PPP2R2B: variants seen among roughly 807,000 people sequenced by gnomAD.
PPP2R2B encodes serine/threonine-protein phosphatase 2A 55 kDa regulatory subunit B beta isoform.
A neutral mutation model predicts 46.0 loss-of-function variants in PPP2R2B; 5 were observed. The observed-to-expected ratio is 0.11, with a 90% CI of 0.06 to 0.23. PPP2R2B has a LOEUF of 0.23. Ranked by LOEUF, PPP2R2B falls within the 10% of genes least tolerant of loss-of-function variation. The pLI is 1.00. For synonymous variants in PPP2R2B, 215 were observed against 206.7 expected (o/e 1.04, Z -0.34); for missense variants, 367 against 575.0 (o/e 0.64, Z 3.70).
intron 1 of PPP2R2B, among the ~76,000 whole-genome samples, chr5:146,928,723 G>A (rs994206954): frequency 2.6e-4 from 40 of 152,156 alleles, no homozygotes; most frequent in African/African-American, 7.5e-4. Flanking sequence ...ACTCAGCATC[G>A]TAGCCAGAAA....
rs1403374837 is a variant in PPP2R2B, at chr5:146,589,913, A to G, written c.*34T>C. 1.9e-6 allele frequency: 3 copies of G among 1,590,664 alleles called. No individual in the cohort carries two copies. Among genetic ancestry groups the G allele is most frequent in the African/African-American group, 2.7e-5 (2 of 74,306 alleles). ...TTAAAAACTTGTTTGACTAGTATTCAGTATGTGAGATTATTAAGTAATAAC... is the reference window on the plus strand; with the variant it reads ...TTAAAAACTTGTTTGACTAGTATTCGGTATGTGAGATTATTAAGTAATAAC... On this transcript the variant is annotated 3_prime_UTR_variant, in exon 10 of 10. Transcript: ENST00000394411.
At chr5:146,937,700 A>G (rs1764199607) in intron 1 of PPP2R2B, among the ~76,000 whole-genome samples, 1 of 152,010 alleles carries the variant, frequency 6.6e-6, no homozygotes, top group Non-Finnish European at 1.5e-5. Flanking sequence ...GGCTTAGAGA[A>G]CAGGATGTCT....
chr5:146,918,552 G>A (rs1328143122), intron 1 of PPP2R2B, among the ~76,000 whole-genome samples: 1 of 152,164 alleles, frequency 6.6e-6, no homozygotes, highest in Non-Finnish European at 1.5e-5. Flanking sequence ...ATTGCCTTTA[G>A]GATAAAGTCC....
intron 2 of PPP2R2B, among the ~76,000 whole-genome samples, chr5:146,837,136 T>C (rs1231198594): frequency 6.6e-6 from 1 of 152,244 alleles, no homozygotes; most frequent in African/African-American, 2.4e-5. Flanking sequence ...GCAAAAGTGA[T>C]ACACATTCAG....
intron 7 of PPP2R2B, among the ~76,000 whole-genome samples, chr5:146,606,235 T>G (rs1772256721): frequency 6.6e-6 from 1 of 152,164 alleles, no homozygotes; most frequent in Admixed American, 6.5e-5. Context: ...TTGCTGGGTG[T>G]GGCTCCTTTC....
In PPP2R2B at chr5:146,670,993, G is replaced by T. The variant is rs116239745; in HGVS notation, c.447+20135C>A. On this transcript the variant is annotated intron_variant, in intron 5 of 9. Coordinates refer to ENST00000394411, the MANE Select transcript of PPP2R2B (RefSeq NM_181675.4). ...TCTGAAAAGACAGAGTGTAAGGTCA[G>T]TTCTCAGTTTAAAAAAATCAAGATT... Among the ~76,000 whole-genome samples the T allele has an allele frequency of 8.8e-3, 1,332 of 152,212 alleles. 21 individuals are homozygous for T. Among genetic ancestry groups the T allele is most frequent in the African/African-American group, 0.03 (1,266 of 41,526 alleles).
At chr5:147,019,441 G>A (rs1365751573) in intron 1 of PPP2R2B, among the ~76,000 whole-genome samples, 4 of 152,184 alleles carry the variant, frequency 2.6e-5, no homozygotes, top group African/African-American at 4.8e-5. Context: ...GGAGTGGAAT[G>A]TATGTATACA....
chr5:146,854,328 T>C (rs1408985793), intron 2 of PPP2R2B, among the ~76,000 whole-genome samples: 1 of 152,192 alleles, frequency 6.6e-6, no homozygotes, highest in Admixed American at 6.5e-5. Flanking sequence ...ATGGGGTACA[T>C]GTGATATTTT....
At chr5:146,610,199 G>A (rs1453440640) in intron 7 of PPP2R2B, among the ~76,000 whole-genome samples, 4 of 32,786 alleles carry the variant, frequency 1.2e-4, no homozygotes, top group African/African-American at 5.8e-4. Flanking sequence ...CCTGACCCCC[G>A]AGCAGCCTAA....
chr5:146,836,821 A>G (rs1017882678), intron 2 of PPP2R2B, among the ~76,000 whole-genome samples: 1 of 152,190 alleles, frequency 6.6e-6, no homozygotes, highest in African/African-American at 2.4e-5. Context: ...TGGTGAAAGA[A>G]GTTGACTTTT....
chr5:146,994,149 T>C (rs1242582505), intron 1 of PPP2R2B, among the ~76,000 whole-genome samples: 2 of 152,116 alleles, frequency 1.3e-5, no homozygotes, highest in Non-Finnish European at 2.9e-5. Context: ...AATGGTCCAT[T>C]TCAACAACTC....
At chr5:146,698,458 A>T (rs2151163793) in intron 3 of PPP2R2B, among the ~76,000 whole-genome samples, 1 of 151,314 alleles carries the variant, frequency 6.6e-6, no homozygotes, top group Non-Finnish European at 1.5e-5. Context: ...CAATATAAAT[A>T]GAAGTTCTAA....
At chr5:146,852,448 C>T (rs1760404383) in intron 2 of PPP2R2B, among the ~76,000 whole-genome samples, 1 of 152,116 alleles carries the variant, frequency 6.6e-6, no homozygotes, top group Non-Finnish European at 1.5e-5. Context: ...ACAGTCTTGC[C>T]TTTCACACTA....
intron 1 of PPP2R2B, chr5:147,054,780 C>T: frequency 2.3e-6 from 1 of 442,880 alleles, no homozygotes; most frequent in East Asian, 7.0e-5. Flanking sequence ...CCTTTTCAAT[C>T]AAATGCCACT....
intron 2 of PPP2R2B, among the ~76,000 whole-genome samples, chr5:146,741,324 AT>A (rs766936721): frequency 2.0e-5 from 3 of 152,096 alleles, no homozygotes; most frequent in Non-Finnish European, 2.9e-5. Context: ...AATGAAACTG[AT>A]TTTTTTCACC....
At chr5:146,748,633 TA>T (rs1290807574) in intron 2 of PPP2R2B, among the ~76,000 whole-genome samples, 13 of 152,226 alleles carry the variant, frequency 8.5e-5, no homozygotes, top group Non-Finnish European at 1.6e-4. Flanking sequence ...CAGTAGTACA[TA>T]AGCTTTTGGA....
At chr5:146,763,629 A>G (rs958306191) in intron 2 of PPP2R2B, among the ~76,000 whole-genome samples, 4 of 152,216 alleles carry the variant, frequency 2.6e-5, no homozygotes, top group Non-Finnish European at 5.9e-5. Flanking sequence ...AAGCTACAGC[A>G]ATTTAGGTTT....
At chr5:146,825,595 T>A (rs140504746) in intron 2 of PPP2R2B, among the ~76,000 whole-genome samples, 2,553 of 152,316 alleles carry the variant, frequency 0.017, 24 homozygotes, top group Middle Eastern at 0.034. Context: ...GAAATACTTA[T>A]GGATGGATTG....
rs191459608 is a variant in PPP2R2B at position 146,854,345 on chromosome 5, T to C, written c.70+23657A>G. Among the ~76,000 whole-genome samples the C allele has an allele frequency of 1.2e-3, 181 of 152,324 alleles. 1 individual carries two copies. Among genetic ancestry groups the C allele is most frequent in the African/African-American group, 4.3e-3 (177 of 41,586 alleles). Reference sequence around the variant, plus strand: ...GGGGTACATGTGATATTTTATTACATGCATAGAATGTATAATGATCAAGTT... The same window carrying C: ...GGGGTACATGTGATATTTTATTACACGCATAGAATGTATAATGATCAAGTT... On this transcript the variant is annotated intron_variant, in intron 2 of 9. Transcript: ENST00000394411.
Sources: allele counts gnomAD v4.1 joint callset (sites outside exome capture counted in the v4.1 genomes callset), GRCh38; gene constraint gnomAD v4.1.1; transcripts MANE v1.5; gene names NCBI Gene and HGNC (gene_info 2026-07-23, HGNC 2026-07-21).